Variants in RPA1 observed in about 807,000 individuals in gnomAD.
The protein encoded by RPA1 is replication protein A1, also known as replication protein A 70 kDa DNA-binding subunit.
Under a neutral mutation model 83.0 loss-of-function variants are expected in RPA1, and 49 were observed. That is an observed-to-expected ratio of 0.59 (90% confidence interval 0.47 to 0.75). The LOEUF is 0.75. RPA1 is among the 30% of genes least tolerant of loss of function. The probability of loss-of-function intolerance (pLI) is 0.00; values close to 1 mark genes in which losing one functional copy is unlikely to be tolerated. For synonymous variants in RPA1, 279 were observed against 281.8 expected, an observed-to-expected ratio of 0.99 and a Z score of 0.10; for missense variants, 693 against 776.1, an observed-to-expected ratio of 0.89 and a Z score of 1.27.
intron 1 of RPA1, among the ~76,000 whole-genome samples, chr17:1,835,279 G>T (rs983894681): frequency 1.3e-5 from 2 of 151,852 alleles, no homozygotes; most frequent in Admixed American, 1.3e-4. Flanking sequence ...CTCTCCAGTA[G>T]CTGGGAGTAC....
At chr17:1,872,564 T>A (rs749420280) in intron 6 of RPA1, 38 bp downstream of exon 6, 12 of 1,605,832 alleles carry the variant, frequency 7.5e-6, no homozygotes, top group Non-Finnish European at 1.0e-5. Context: ...ACCAGGGGTG[T>A]CAGACTTCGG....
At chr17:1,876,672 A>G (rs2151285891) in intron 7 of RPA1, among the ~76,000 whole-genome samples, 1 of 152,264 alleles carries the variant, frequency 6.6e-6, no homozygotes, top group Non-Finnish European at 1.5e-5. Context: ...TAGGAAAGAT[A>G]TTTTTCCCTG....
At chr17:1,858,422 C>T (rs1380704665) in intron 5 of RPA1, 62 of 1,553,618 alleles carry the variant, frequency 4.0e-5, no homozygotes, top group East Asian at 1.3e-4. Flanking sequence ...TGACGACCAA[C>T]GTGTCTCAGC....
At chr17:1,892,006 C>T in intron 15 of RPA1, 66 bp downstream of exon 15, 1 of 1,153,660 alleles carries the variant, frequency 8.7e-7, no homozygotes, top group Non-Finnish European at 1.2e-6. Context: ...ACACTGACCC[C>T]ACACATTTTT....
chr17:1,838,208 G>T (rs1046596316), intron 1 of RPA1, among the ~76,000 whole-genome samples: 1 of 151,076 alleles, frequency 6.6e-6, no homozygotes, highest in African/African-American at 2.4e-5. Context: ...GGAGAATGGC[G>T]TGAACCCGGG....
At chr17:1,848,024 G>T (rs545011866) in intron 4 of RPA1, among the ~76,000 whole-genome samples, 1 of 151,770 alleles carries the variant, frequency 6.6e-6, no homozygotes, top group Non-Finnish European at 1.5e-5. Flanking sequence ...AAAAAAAAGC[G>T]TATCTCTGAA....
At position 1,879,671 on chromosome 17, in the gene RPA1, T is replaced by C. The variant is rs753950374; in HGVS notation, c.1064T>C (p.Val355Ala). 1.9e-6 allele frequency: 3 copies of C among 1,614,140 alleles called. No individual in the cohort carries two copies. Among genetic ancestry groups the C allele is most frequent in the Non-Finnish European group, 1.7e-6 (2 of 1,180,010 alleles). Residue 355 changes from valine (V) to alanine (A), a missense_variant, in exon 11 of 17, where the codon GTG becomes GCG. Coordinates refer to ENST00000254719, the MANE Select transcript of RPA1 (RefSeq NM_002945.5). ...NIYLMDTSGK[V>A]VTATLWGEDA... ...TACTTGATGGACACATCCGGGAAGG[T>C]GGTGACTGCTACACTGTGGGGGGAA...
intron 4 of RPA1, among the ~76,000 whole-genome samples, chr17:1,848,905 C>T (rs1276249227): frequency 1.3e-5 from 2 of 152,112 alleles, no homozygotes; most frequent in East Asian, 3.9e-4. Context: ...TGTCTAGATA[C>T]ATCACATTTT....
At chr17:1,871,472 C>T (rs992083825) in intron 5 of RPA1, among the ~76,000 whole-genome samples, 11 of 152,078 alleles carry the variant, frequency 7.2e-5, no homozygotes, top group Non-Finnish European at 1.6e-4. Flanking sequence ...GGAAGCCCTC[C>T]CAGCCGTGGG....
intron 6 of RPA1, among the ~76,000 whole-genome samples, chr17:1,875,261 A>T (rs973322903): frequency 1.3e-5 from 2 of 152,226 alleles, no homozygotes; most frequent in African/African-American, 2.4e-5. Context: ...TCATGTGACT[A>T]GTGCCTTGCC....
chr17:1,894,244 G>A (rs954251624), intron 15 of RPA1, among the ~76,000 whole-genome samples: 1 of 151,150 alleles, frequency 6.6e-6, no homozygotes, highest in African/African-American at 2.4e-5. Flanking sequence ...TCAGCTCACT[G>A]TAGCCTCCGC....
At chr17:1,847,889 G>A (rs577430633) in intron 4 of RPA1, among the ~76,000 whole-genome samples, 1 of 152,040 alleles carries the variant, frequency 6.6e-6, no homozygotes, top group South Asian at 2.1e-4. Flanking sequence ...GCGTGGTGGC[G>A]GGTGCGGCCT....
At chr17:1,877,443 C>T (rs879179755) in intron 8 of RPA1, 129 bp downstream of exon 8, 35 of 727,184 alleles carry the variant, frequency 4.8e-5, no homozygotes, top group East Asian at 1.4e-4. Flanking sequence ...GTGGGCTCGC[C>T]GAGAAACAGA....
At chr17:1,837,598 A>G (rs548381872) in intron 1 of RPA1, among the ~76,000 whole-genome samples, 1 of 152,304 alleles carries the variant, frequency 6.6e-6, no homozygotes, top group Admixed American at 6.5e-5. Flanking sequence ...GCCAGTCATC[A>G]GTCTTTGATT....
intron 1 of RPA1, among the ~76,000 whole-genome samples, chr17:1,833,790 G>A (rs903434260): frequency 1.4e-5 from 2 of 147,392 alleles, no homozygotes; most frequent in Admixed American, 1.3e-4. Context: ...GGAGATAGAG[G>A]TTCCGGTAAG....
intron 4 of RPA1, among the ~76,000 whole-genome samples, chr17:1,846,672 T>G (rs1384994308): frequency 6.6e-6 from 1 of 152,202 alleles, no homozygotes; most frequent in Non-Finnish European, 1.5e-5. Context: ...GTCTGCCGAT[T>G]CAGTTCTTTT....
At chr17:1,890,143 G>A (rs769474919) in intron 14 of RPA1, among the ~76,000 whole-genome samples, 3 of 152,212 alleles carry the variant, frequency 2.0e-5, no homozygotes, top group Non-Finnish European at 2.9e-5. Context: ...GCTGAGGCAG[G>A]ATGATTGCTT....
intron 1 of RPA1, among the ~76,000 whole-genome samples, chr17:1,838,084 G>T (rs1911890268): frequency 6.6e-6 from 1 of 152,054 alleles, no homozygotes; most frequent in Non-Finnish European, 1.5e-5. Context: ...CTGAGGTCGA[G>T]AGTTCGAGAC....
intron 5 of RPA1, chr17:1,858,518 C>T (rs1912807755): frequency 5.9e-6 from 5 of 844,054 alleles, no homozygotes. Flanking sequence ...GGCTAGAGTG[C>T]AGTGGCACAA....
Sources: allele counts gnomAD v4.1 joint callset (sites outside exome capture counted in the v4.1 genomes callset), GRCh38; gene constraint gnomAD v4.1.1; transcripts MANE v1.5; gene names NCBI Gene and HGNC (gene_info 2026-07-23, HGNC 2026-07-21).